Variants in SOX6 observed in about 807,000 individuals in gnomAD.
SOX6 encodes the protein transcription factor SOX-6.
Under a neutral mutation model 97.8 loss-of-function variants are expected in SOX6, and 11 were observed. The ratio of observed to expected loss-of-function variants is 0.11; its 90% CI spans 0.07 to 0.19. The LOEUF (loss-of-function observed/expected upper bound fraction) is 0.19, where lower values mean the gene tolerates loss of function less well. Ranked by LOEUF, SOX6 falls within the 10% of genes least tolerant of loss-of-function variation. SOX6 has a pLI of 1.00. For synonymous variants in SOX6, 360 were observed against 371.4 expected (o/e 0.97, Z 0.35); for missense variants, 810 against 1,039.5 (o/e 0.78, Z 3.04).
chr11:16,622,702 A>G (rs1280837844), intron 3 of SOX6, among the ~76,000 whole-genome samples: 1 of 152,128 alleles, frequency 6.6e-6, no homozygotes. Flanking sequence ...TATTTTTGCA[A>G]TTGTGAATTG....
rs147187918 is a variant in SOX6 at position 16,659,004 on chromosome 11, C to G, written n.430-46744G>C. 8.1e-3 allele frequency among the ~76,000 whole-genome samples: 1,224 copies of G among 152,030 alleles called. 20 individuals are homozygous for G. Among genetic ancestry groups the G allele is most frequent in the African/African-American group, 0.027 (1,111 of 41,472 alleles). On this transcript the variant is annotated intron_variant and non_coding_transcript_variant, in intron 3 of 5. Transcript: ENST00000524520. ...CTCCCACTTTCTGGCTTGTTTTTTT[C>G]TTAACAATGTCATCTGCAGAAAAGT... is the stretch of plus-strand genomic sequence containing the variant.
chr11:16,519,521 A>C lies in SOX6; in HGVS notation n.610-43133T>G, dbSNP rs1044194289. ...TTCCATCGATGTTGCTGCAAAGGAC[A>C]TGATTTCATTCTTTTTTATGGCTCA... is the stretch of plus-strand genomic sequence containing the variant. On this transcript the variant is annotated intron_variant and non_coding_transcript_variant, in intron 4 of 5. Coordinates refer to the SOX6 transcript ENST00000524520. Among the ~76,000 whole-genome samples, 36 of 152,236 alleles carry C rather than the reference A, an allele frequency of 2.4e-4. 1 individual carries two copies. Among genetic ancestry groups the C allele is most frequent in the Admixed American group, 2.3e-3 (35 of 15,280 alleles).
chr11:16,154,708 T>C (rs1850553551), intron 6 of SOX6, among the ~76,000 whole-genome samples: 1 of 152,176 alleles, frequency 6.6e-6, no homozygotes, highest in African/African-American at 2.4e-5. Context: ...ATAAGAATTA[T>C]TGTAATATAC....
At chr11:16,207,806 A>C (rs1198258973) in intron 4 of SOX6, among the ~76,000 whole-genome samples, 1 of 137,986 alleles carries the variant, frequency 7.2e-6, no homozygotes, top group Non-Finnish European at 1.5e-5. Context: ...TAAAACTAAA[A>C]TATGCATAGG....
chr11:16,657,618 G>T (rs1847732887), intron 3 of SOX6, among the ~76,000 whole-genome samples: 1 of 152,162 alleles, frequency 6.6e-6, no homozygotes, highest in Non-Finnish European at 1.5e-5. Flanking sequence ...GCATTGTCAA[G>T]GTTTTGTGTT....
At chr11:16,476,667 G>GA (rs888351382), upstream of SOX6, among the ~76,000 whole-genome samples, 4 of 152,000 alleles carry the variant, frequency 2.6e-5, no homozygotes, top group African/African-American at 7.2e-5. Flanking sequence ...GAACAAAAGG[G>GA]AAAAAATTTT....
intron 1 of SOX6, among the ~76,000 whole-genome samples, chr11:16,366,120 G>C (rs932777229): frequency 6.6e-6 from 1 of 152,070 alleles, no homozygotes; most frequent in Non-Finnish European, 1.5e-5. Flanking sequence ...GTACAGTGAG[G>C]GGCAGGAGTC....
At chr11:16,628,054 C>CT (rs1360429771) in intron 3 of SOX6, among the ~76,000 whole-genome samples, 1 of 152,144 alleles carries the variant, frequency 6.6e-6, no homozygotes, top group Non-Finnish European at 1.5e-5. Context: ...ATAGGGAGTC[C>CT]TTTCCCCATT....
intron 1 of SOX6, among the ~76,000 whole-genome samples, chr11:16,441,993 A>T (rs1309068886): frequency 6.6e-6 from 1 of 152,228 alleles, no homozygotes; most frequent in East Asian, 1.9e-4. Context: ...AACTCTCTTC[A>T]TAACACAGAT....
chr11:16,718,486 A>T (rs1262499286), intron 2 of SOX6, among the ~76,000 whole-genome samples: 2 of 152,208 alleles, frequency 1.3e-5, no homozygotes, highest in East Asian at 1.9e-4. Context: ...CCCCCTCTTC[A>T]GGAATGCTGA....
At chr11:16,477,070 T>C (rs948609946), upstream of SOX6, among the ~76,000 whole-genome samples, 2 of 152,088 alleles carry the variant, frequency 1.3e-5, no homozygotes, top group African/African-American at 4.8e-5. Context: ...TGCATTAAGG[T>C]GGTTTGGTAG....
intron 1 of SOX6, among the ~76,000 whole-genome samples, chr11:16,380,166 A>G (rs1220195024): frequency 1.3e-5 from 2 of 151,864 alleles, no homozygotes; most frequent in Non-Finnish European, 2.9e-5. Context: ...AATATCTGTT[A>G]CTTTTATAGT....
intron 1 of SOX6, among the ~76,000 whole-genome samples, chr11:16,378,720 G>C (rs1857715482): frequency 6.6e-6 from 1 of 151,920 alleles, no homozygotes; most frequent in Non-Finnish European, 1.5e-5. Flanking sequence ...TTCTAAAAAT[G>C]GTTCTAAAGG....
chr11:16,041,601 TA>T (rs1397949490), intron 12 of SOX6, among the ~76,000 whole-genome samples: 2 of 152,140 alleles, frequency 1.3e-5, no homozygotes, highest in Non-Finnish European at 2.9e-5. Context: ...ATAAGAAATG[TA>T]AATAGCTATC....
intron 4 of SOX6, among the ~76,000 whole-genome samples, chr11:16,514,081 T>C (rs543380058): frequency 3.9e-5 from 6 of 152,030 alleles, no homozygotes; most frequent in African/African-American, 1.4e-4. Context: ...CCAAACATGA[T>C]AGCACATTTT....
chr11:16,620,626 T>C (rs1290482672), intron 3 of SOX6, among the ~76,000 whole-genome samples: 1 of 152,200 alleles, frequency 6.6e-6, no homozygotes, highest in Non-Finnish European at 1.5e-5. Context: ...CAAGTAGTTA[T>C]ATTTAATATC....
rs114965165 is a variant in SOX6 at position 16,069,040 on chromosome 11, T to C, written c.1102-13139A>G. On this transcript the variant is annotated intron_variant, in intron 9 of 15. Transcript: ENST00000683767. ...CTCTATCTTCTTGGAATTGCTATCA[T>C]TTCAGCCCACACCCTTTTCTCCAGA... Among the ~76,000 whole-genome samples the C allele has an allele frequency of 2.7e-3, 418 of 152,300 alleles. 1 individual carries two copies. The highest frequency in any genetic ancestry group is 9.4e-3 in the African/African-American group (391 of 41,570).
intron 3 of SOX6, among the ~76,000 whole-genome samples, chr11:16,643,498 C>A (rs1381610607): frequency 6.6e-6 from 1 of 152,212 alleles, no homozygotes; most frequent in African/African-American, 2.4e-5. Context: ...TTTGGCTATG[C>A]CCTGCCCCCA....
intron 4 of SOX6, among the ~76,000 whole-genome samples, chr11:16,200,491 G>A (rs567557097): frequency 6.6e-6 from 1 of 152,256 alleles, no homozygotes; most frequent in South Asian, 2.1e-4. Context: ...AGTTTTTAAA[G>A]TGCTCATTGA....
Sources: gnomAD v4.1 joint callset for allele counts (sites outside exome capture counted in the v4.1 genomes callset) on GRCh38, gnomAD v4.1.1 for gene constraint, MANE v1.5 for transcripts, NCBI Gene and HGNC (gene_info 2026-07-23, HGNC 2026-07-21) for gene names.